EPN2: variants seen among roughly 807,000 people sequenced by gnomAD.
The protein encoded by EPN2 is epsin 2.
A neutral mutation model predicts 61.7 loss-of-function variants in EPN2; 34 were observed. The ratio of observed to expected loss-of-function variants is 0.55; its 90% CI spans 0.42 to 0.73. The LOEUF is 0.73. EPN2 is among the 30% of genes least tolerant of loss of function. EPN2 has a pLI of 0.00. For missense variants in EPN2, 714 were observed against 839.2 expected (o/e 0.85, Z 1.84); for synonymous variants, 349 against 353.6 (o/e 0.99, Z 0.15).
rs948732649 is a variant in EPN2, at chr17:19,285,100, G to A, written c.596-520G>A. Among the ~76,000 whole-genome samples the A allele has an allele frequency of 6.6e-6, 1 of 152,196 alleles. No homozygotes were observed. The highest frequency in any genetic ancestry group is 2.4e-5 in the African/African-American group (1 of 41,438). On this transcript the variant is annotated intron_variant, in intron 3 of 10. Transcript: ENST00000314728. The surrounding 1 kb of genome is among the most constrained non-coding windows in gnomAD (Gnocchi z 4.5). ...ACCAACCCCCAGAGAGGCTCTCTTT[G>A]GATTGAGTTGGTCCCAACCTGCCTT...
chr17:19,288,367 A>T (rs1164218665), intron 4 of EPN2, among the ~76,000 whole-genome samples: 1 of 152,220 alleles, frequency 6.6e-6, no homozygotes, highest in African/African-American at 2.4e-5. Flanking sequence ...AAAGAAAAAC[A>T]CAATATAAAT....
intron 1 of EPN2, among the ~76,000 whole-genome samples, chr17:19,267,348 C>A (rs1206811642): frequency 1.3e-5 from 2 of 151,666 alleles, no homozygotes; most frequent in African/African-American, 2.4e-5. Context: ...TAAAAAAAAA[C>A]CCCGTTGAAT....
chr17:19,266,382 A>T (rs1379134731), intron 1 of EPN2, among the ~76,000 whole-genome samples: 1 of 151,662 alleles, frequency 6.6e-6, no homozygotes, highest in East Asian at 1.9e-4. Flanking sequence ...ATAGATGTCC[A>T]TCTCAACATT....
At chr17:19,290,700 C>CAAAAAAAAAAAAAAA (rs757256478) in intron 4 of EPN2, among the ~76,000 whole-genome samples, 1 of 41,002 alleles carries the variant, frequency 2.4e-5, no homozygotes, top group African/African-American at 9.9e-5. Flanking sequence ...TTCCCGTTCT[C>CAAAAAAAAAAAAAAA]AAAAAAAAAA....
At chr17:19,277,122 C>T (rs1036124906) in intron 1 of EPN2, among the ~76,000 whole-genome samples, 6 of 152,014 alleles carry the variant, frequency 3.9e-5, no homozygotes, top group African/African-American at 9.7e-5. Flanking sequence ...AGAATGTGCC[C>T]GGGCACGGTG....
At chr17:19,300,920 G>T (rs1210376430) in intron 4 of EPN2, among the ~76,000 whole-genome samples, 1 of 152,200 alleles carries the variant, frequency 6.6e-6, no homozygotes, top group Non-Finnish European at 1.5e-5. Flanking sequence ...CTCCCAGTCT[G>T]ATGAGAGACT....
chr17:19,319,052 G>A (rs1227261001), intron 7 of EPN2, among the ~76,000 whole-genome samples: 1 of 151,834 alleles, frequency 6.6e-6, no homozygotes, highest in African/African-American at 2.4e-5. Context: ...CAAAAAATTA[G>A]CCAGGTGTGG....
chr17:19,330,098 C>T (rs1040673694), intron 9 of EPN2, among the ~76,000 whole-genome samples: 2 of 152,244 alleles, frequency 1.3e-5, no homozygotes, highest in African/African-American at 4.8e-5. Flanking sequence ...GTCTCCAGAC[C>T]TGTTTTCCTT....
intron 4 of EPN2, among the ~76,000 whole-genome samples, chr17:19,307,763 A>T (rs1598012494): frequency 6.6e-6 from 1 of 152,096 alleles, no homozygotes; most frequent in Admixed American, 6.5e-5. Flanking sequence ...GCCCGGCCCC[A>T]CCTCAGCCCT....
At chr17:19,243,281 G>A (rs1293201281) in intron 1 of EPN2, among the ~76,000 whole-genome samples, 2 of 148,954 alleles carry the variant, frequency 1.3e-5, no homozygotes, top group Admixed American at 6.7e-5. Flanking sequence ...GTGCGGTGGC[G>A]CGATCTTGGT....
chr17:19,301,121 C>T (rs993483364), intron 4 of EPN2, among the ~76,000 whole-genome samples: 3 of 152,098 alleles, frequency 2.0e-5, no homozygotes, highest in African/African-American at 7.2e-5. Context: ...GGATGGGAAG[C>T]GAGCAGGGCC....
chr17:19,277,420 A>G (rs908848010), intron 1 of EPN2, among the ~76,000 whole-genome samples: 96 of 150,714 alleles, frequency 6.4e-4, no homozygotes, highest in Admixed American at 2.3e-3. Flanking sequence ...AAAAAAAAAA[A>G]AGAGAGAAAT....
chr17:19,302,291 C>T lies in EPN2; in HGVS notation c.767-7594C>T, dbSNP rs556938165. On this transcript the variant is annotated intron_variant, in intron 4 of 10. Transcript: ENST00000314728. ...ACAACAACCCTGGGAGACGGTTTCC[C>T]GTCCCCATTCTGCAGATGAGAAAAC... is the stretch of plus-strand genomic sequence containing the variant. Among the ~76,000 whole-genome samples, 57 of 152,314 alleles carry T rather than the reference C, an allele frequency of 3.7e-4. No individual in the cohort carries two copies. The South Asian group carries it at 9.3e-3, about 25-fold the overall frequency.
At chr17:19,314,547 C>G (rs1003267404) in intron 7 of EPN2, among the ~76,000 whole-genome samples, 1 of 152,200 alleles carries the variant, frequency 6.6e-6, no homozygotes, top group African/African-American at 2.4e-5. Flanking sequence ...TTACCAAGTG[C>G]TTGGACTTGG....
chr17:19,275,779 T>C (rs931017156), intron 1 of EPN2, among the ~76,000 whole-genome samples: 1 of 152,216 alleles, frequency 6.6e-6, no homozygotes, highest in African/African-American at 2.4e-5. Flanking sequence ...AAATGAAATA[T>C]TATTTGGTTT....
chr17:19,328,971 C>T (rs1907035090), intron 8 of EPN2, 84 bp downstream of exon 8: 3 of 1,304,668 alleles, frequency 2.3e-6, no homozygotes, highest in African/African-American at 1.5e-5. Flanking sequence ...TAGGCATCAG[C>T]CCTGTTGCTT....
intron 4 of EPN2, among the ~76,000 whole-genome samples, chr17:19,305,574 C>G (rs1241060493): frequency 1.3e-5 from 2 of 152,220 alleles, no homozygotes; most frequent in East Asian, 3.8e-4. Context: ...TGATAAGAAT[C>G]AATTTCCTGT....
chr17:19,323,362 A>G (rs1380610807), intron 7 of EPN2, among the ~76,000 whole-genome samples: 3 of 152,208 alleles, frequency 2.0e-5, no homozygotes, highest in Non-Finnish European at 4.4e-5. Context: ...CACCTAACAC[A>G]TATCTGTTTG....
intron 4 of EPN2, among the ~76,000 whole-genome samples, chr17:19,305,025 C>T (rs781762855): frequency 2.6e-5 from 4 of 152,210 alleles, no homozygotes; most frequent in African/African-American, 4.8e-5. Context: ...CTGTGACGCT[C>T]ACGTACCAGT....
Sources: gnomAD v4.1 joint callset for allele counts (sites outside exome capture counted in the v4.1 genomes callset) on GRCh38, gnomAD v4.1.1 for gene constraint, Gnocchi (gnomAD v3.1) non-coding constraint, MANE v1.5 for transcripts, NCBI Gene and HGNC (gene_info 2026-07-23, HGNC 2026-07-21) for gene names.